Variants in GLIS3 observed in about 807,000 individuals in gnomAD.
GLIS3 encodes the protein zinc finger protein GLIS3.
GLIS3 carries 53 observed loss-of-function variants against 78.6 expected under a neutral mutation model. The observed-to-expected ratio is 0.67, with a 90% CI of 0.54 to 0.85. GLIS3 has a LOEUF of 0.85. Ranked by LOEUF, GLIS3 falls within the 40% of genes least tolerant of loss-of-function variation. The pLI is 0.00. For synonymous variants in GLIS3, 684 were observed against 509.9 expected, an observed-to-expected ratio of 1.34 and a Z score of -4.60; for missense variants, 1,703 against 1,231.1, an observed-to-expected ratio of 1.38 and a Z score of -5.74.
chr9:4,072,018 A>G (rs1409927381), intron 4 of GLIS3: 1 of 152,222 alleles, frequency 6.6e-6, no homozygotes, highest in Non-Finnish European at 1.5e-5. Context: ...TCTGTACAAC[A>G]TAAAAGATGG....
chr9:4,096,843 C>A (rs1829991656), intron 4 of GLIS3, among the ~76,000 whole-genome samples: 1 of 152,122 alleles, frequency 6.6e-6, no homozygotes, highest in Non-Finnish European at 1.5e-5. Flanking sequence ...AAAATTCCGT[C>A]TCTACTAAAA....
intron 4 of GLIS3, among the ~76,000 whole-genome samples, chr9:4,055,377 T>C (rs1381500628): frequency 2.6e-5 from 4 of 152,182 alleles, no homozygotes; most frequent in Non-Finnish European, 5.9e-5. Context: ...TATTTTTCTA[T>C]GTCCCTCAGT....
intron 2 of GLIS3, among the ~76,000 whole-genome samples, chr9:4,326,215 T>C (rs1817597044): frequency 6.6e-6 from 1 of 152,082 alleles, no homozygotes; most frequent in Admixed American, 6.5e-5. Flanking sequence ...AAAATAAAAG[T>C]TGAAGAAAAA....
chr9:3,970,879 T>C (rs967899023), intron 4 of GLIS3, among the ~76,000 whole-genome samples: 1 of 151,874 alleles, frequency 6.6e-6, no homozygotes, highest in African/African-American at 2.4e-5. Context: ...AGGCACAACA[T>C]TGGCTGTATT....
chr9:4,094,127 A>C (rs565822285), intron 4 of GLIS3, among the ~76,000 whole-genome samples: 1 of 152,230 alleles, frequency 6.6e-6, no homozygotes, highest in Non-Finnish European at 1.5e-5. Flanking sequence ...AAAATACCTG[A>C]TGATAGACAG....
chr9:4,129,302 C>G (rs543357124), intron 2 of GLIS3, among the ~76,000 whole-genome samples: 1 of 152,160 alleles, frequency 6.6e-6, no homozygotes, highest in Non-Finnish European at 1.5e-5. Flanking sequence ...TTCTCCATGT[C>G]TATGTCTTCT....
At chr9:4,155,054 T>C (rs1011999425) in intron 2 of GLIS3, among the ~76,000 whole-genome samples, 2 of 152,208 alleles carry the variant, frequency 1.3e-5, no homozygotes, top group African/African-American at 4.8e-5. Flanking sequence ...CACATGCATG[T>C]ATTTGCTTAC....
intron 6 of GLIS3, among the ~76,000 whole-genome samples, chr9:3,900,372 TACAA>T (rs1048066312): frequency 1.1e-3 from 165 of 152,256 alleles, no homozygotes; most frequent in African/African-American, 3.8e-3. Flanking sequence ...TGAATATTGG[TACAA>T]ACAGTCTAGA....
Position 4,255,120 on chromosome 9 carries a change from T to C in GLIS3, c.388+30918A>G, listed in dbSNP as rs148959651. The stretch of plus-strand genomic sequence containing the variant: ...TAAGCATATGAGAAGATCTGCAACA[T>C]CATACATCATCAGAGAAAGGCAAAT... On this transcript the variant is annotated intron_variant, in intron 2 of 10. Coordinates refer to ENST00000381971, the MANE Select transcript of GLIS3 (RefSeq NM_001042413.2). Among the ~76,000 whole-genome samples, 6 of 152,170 alleles carry C rather than the reference T, an allele frequency of 3.9e-5. No homozygotes were observed. The East Asian group carries it at 1.2e-3, about 29-fold the overall frequency.
Position 3,937,117 on chromosome 9 carries a change from T to G in GLIS3, c.1783A>C (p.Lys595Gln), listed in dbSNP as rs1825943201. ...CCCGGATGCTGGCACAAATACGGCT[T>G]CTCGCCTGTGTGGCTCCGCAAGTGG... ...KIHLRSHTGE[K>Q]PYLCQHPGCQ... The change falls in exon 5 of 11, where the codon AAG (lysine) becomes CAG (glutamine). Residue 595 changes from lysine (K) to glutamine (Q), a missense_variant. By Grantham distance (53) the Lys-to-Gln change is moderately conservative. Coordinates refer to ENST00000381971, the MANE Select transcript of GLIS3 (RefSeq NM_001042413.2). 1 of 1,614,112 alleles carries G rather than the reference T, an allele frequency of 6.2e-7. No homozygotes were observed. The highest frequency in any genetic ancestry group is 8.5e-7 in the Non-Finnish European group (1 of 1,180,022).
rs186626007 is a variant in GLIS3, at chr9:4,273,123, T to A, written c.388+12915A>T. Among the ~76,000 whole-genome samples the A allele has an allele frequency of 1.4e-3, 211 of 152,330 alleles. 2 individuals carry two copies. The highest frequency in any genetic ancestry group is 0.013 in the Admixed American group (194 of 15,302). On this transcript the variant is annotated intron_variant, in intron 2 of 10. Transcript: ENST00000381971. Reference sequence around the variant, plus strand: ...TTTCATACTGCCTAGACTGGAGAGTTATGACTAAGCTGTAGGCCTTTATTT... The same window carrying A: ...TTTCATACTGCCTAGACTGGAGAGTAATGACTAAGCTGTAGGCCTTTATTT...
intron 7 of GLIS3, among the ~76,000 whole-genome samples, chr9:3,888,189 G>A (rs1822203917): frequency 6.6e-6 from 1 of 152,234 alleles, no homozygotes; most frequent in East Asian, 1.9e-4. Flanking sequence ...CTTACAGAAA[G>A]ATCCCTCACC....
At chr9:3,936,932 G>A in intron 5 of GLIS3, 96 bp downstream of exon 5, 4 of 1,533,612 alleles carry the variant, frequency 2.6e-6, no homozygotes, top group Non-Finnish European at 3.6e-6. Context: ...GTAACCTGCA[G>A]ACCATAAAGC....
chr9:4,319,552 C>T (rs1272132236), intron 2 of GLIS3, among the ~76,000 whole-genome samples: 1 of 150,432 alleles, frequency 6.6e-6, no homozygotes, highest in African/African-American at 2.5e-5. Context: ...TTTCTAGAAA[C>T]AGGTTCTTCC....
chr9:4,019,406 G>A lies in GLIS3; in HGVS notation c.1711-82217C>T, dbSNP rs73388270. On this transcript the variant is annotated intron_variant, in intron 4 of 10. Transcript: ENST00000381971. ...TTATATCACACAGCCTCACTGTTTG[G>A]CAGCTGTACCACCCACTATGTATAT... Among the ~76,000 whole-genome samples, 213 of 152,244 alleles carry A rather than the reference G, an allele frequency of 1.4e-3. 2 individuals are homozygous for A. The highest frequency in any genetic ancestry group is 4.9e-3 in the African/African-American group (203 of 41,550).
At chr9:4,433,121 C>T in the GLIS3 span, among the ~76,000 whole-genome samples, 2 of 152,158 alleles carry the variant, frequency 1.3e-5, no homozygotes, top group South Asian at 2.1e-4. Flanking sequence ...ATAAATGTTG[C>T]TCTGATTATC....
intron 4 of GLIS3, among the ~76,000 whole-genome samples, chr9:4,079,531 G>A (rs1418408007): frequency 2.0e-5 from 3 of 152,158 alleles, no homozygotes; most frequent in Non-Finnish European, 2.9e-5. Context: ...TGTCATCAGC[G>A]GAGGTCAGAG....
At chr9:4,151,842 G>C (rs888037586) in intron 2 of GLIS3, among the ~76,000 whole-genome samples, 1 of 152,178 alleles carries the variant, frequency 6.6e-6, no homozygotes, top group Non-Finnish European at 1.5e-5. Flanking sequence ...CACAGCAGGA[G>C]AGAACCTTTG....
intron 2 of GLIS3, among the ~76,000 whole-genome samples, chr9:4,340,425 T>A (rs1817818221): frequency 6.6e-6 from 1 of 152,166 alleles, no homozygotes; most frequent in Admixed American, 6.5e-5. Context: ...AATTCCAGGA[T>A]GAAACATTCT....
Sources: gnomAD v4.1 joint callset for allele counts (sites outside exome capture counted in the v4.1 genomes callset) on GRCh38, gnomAD v4.1.1 for gene constraint, MANE v1.5 for transcripts, NCBI Gene and HGNC (gene_info 2026-07-23, HGNC 2026-07-21) for gene names.